Variants in DOCK3 observed in about 807,000 individuals in gnomAD.
DOCK3 encodes dedicator of cytokinesis 3.
A neutral mutation model predicts 265.6 loss-of-function variants in DOCK3; 60 were observed. The ratio of observed to expected loss-of-function variants is 0.23; its 90% CI spans 0.18 to 0.28. DOCK3 has a LOEUF of 0.28. Ranked by LOEUF, DOCK3 falls within the 10% of genes least tolerant of loss-of-function variation. DOCK3 has a pLI of 1.00. For missense variants in DOCK3, 1,981 were observed against 2,594.3 expected, an observed-to-expected ratio of 0.76 and a Z score of 5.14; for synonymous variants, 881 against 938.0, an observed-to-expected ratio of 0.94 and a Z score of 1.11.
chr3:51,317,131 C>T lies in DOCK3; in HGVS notation c.3402+2003C>T, dbSNP rs778251244. ...TCTATGATCTATTTTGAGTTGATTT[C>T]TGTATAAGGTATGAAGGATGGATCA... On this transcript the variant is annotated intron_variant, in intron 32 of 52. Transcript: ENST00000266037. Among the ~76,000 whole-genome samples the T allele has an allele frequency of 2.1e-3, 312 of 151,756 alleles. 7 individuals are homozygous for T. The highest frequency in any genetic ancestry group is 1.5e-3 in the Non-Finnish European group (102 of 67,924).
At chr3:50,692,586 G>A (rs1190574125) in intron 1 of DOCK3, among the ~76,000 whole-genome samples, 1 of 152,112 alleles carries the variant, frequency 6.6e-6, no homozygotes, top group Non-Finnish European at 1.5e-5. Flanking sequence ...TTAATTTGTG[G>A]CCCAGGGGTT....
chr3:51,140,064 A>C (rs984670113), intron 9 of DOCK3, among the ~76,000 whole-genome samples: 4 of 152,208 alleles, frequency 2.6e-5, no homozygotes, highest in African/African-American at 9.7e-5. Context: ...AAACCACGAA[A>C]AAGTTTGTTG....
intron 3 of DOCK3, among the ~76,000 whole-genome samples, chr3:50,843,137 C>T (rs1012724215): frequency 2.0e-5 from 3 of 152,156 alleles, no homozygotes; most frequent in Non-Finnish European, 2.9e-5. Flanking sequence ...TATCTTCCTA[C>T]ACAATGAAGT....
In DOCK3 at chr3:51,362,663, C is replaced by T. The variant is rs766779685; in HGVS notation, c.5282C>T (p.Ser1761Phe). 9 of 1,613,602 alleles carry T rather than the reference C, an allele frequency of 5.6e-6. No homozygotes were observed. The highest frequency in any genetic ancestry group is 7.6e-6 in the Non-Finnish European group (9 of 1,179,738). The change falls in exon 49 of 53, where the codon TCC becomes TTC. Residue 1761 changes from serine to phenylalanine, a missense_variant. This residue lies in a region of DOCK3 where 1,357 missense variants were observed against 1,866.8 expected (regional missense o/e 0.73). Transcript: ENST00000266037. Reference protein sequence around the residue: ...APSQMITSAPSSARGSPSLPD... With the variant: ...APSQMITSAPFSARGSPSLPD... ...TCCCAGATGATTACCTCTGCCCCTT[C>T]CAGTGCCCGAGGTAAGGATGGCAGG...
At chr3:50,708,069 A>G (rs891611560) in intron 1 of DOCK3, among the ~76,000 whole-genome samples, 17 of 152,122 alleles carry the variant, frequency 1.1e-4, no homozygotes, top group Non-Finnish European at 2.1e-4. Context: ...CTTGGATAGC[A>G]TGTGCAGATG....
chr3:50,993,376 A>G (rs911696176), intron 5 of DOCK3, among the ~76,000 whole-genome samples: 8 of 152,216 alleles, frequency 5.3e-5, no homozygotes, highest in African/African-American at 1.9e-4. Flanking sequence ...GATACTTTTC[A>G]GAAGCTGAAG....
chr3:51,108,292 G>A (rs2109806614), intron 9 of DOCK3, among the ~76,000 whole-genome samples: 1 of 152,220 alleles, frequency 6.6e-6, no homozygotes, highest in South Asian at 2.1e-4. Flanking sequence ...GCCAAACTAA[G>A]CTTCATAAGC....
chr3:51,032,710 C>G (rs557922680), intron 5 of DOCK3, among the ~76,000 whole-genome samples: 2 of 152,044 alleles, frequency 1.3e-5, no homozygotes, highest in East Asian at 3.9e-4. Flanking sequence ...GAGTTTAAGA[C>G]CAGCATAAGC....
chr3:51,295,687 T>G (rs986037572), intron 27 of DOCK3, among the ~76,000 whole-genome samples: 2 of 152,058 alleles, frequency 1.3e-5, no homozygotes, highest in Admixed American at 1.3e-4. Context: ...AAGATTAATT[T>G]CTTTCTCCTA....
intron 5 of DOCK3, among the ~76,000 whole-genome samples, chr3:51,045,986 T>C (rs2080762099): frequency 6.6e-6 from 1 of 152,156 alleles, no homozygotes; most frequent in Non-Finnish European, 1.5e-5. Context: ...TGCAGCACTG[T>C]AGTTTTAGTA....
At position 51,321,221 on chromosome 3, in the gene DOCK3, C is replaced by A. The variant is rs984824069; in HGVS notation, c.3402+6093C>A. Among the ~76,000 whole-genome samples, 8 of 152,318 alleles carry A rather than the reference C, an allele frequency of 5.3e-5. No individual in the cohort carries two copies. In the South Asian group the frequency reaches 1.7e-3, roughly 32 times the overall value. On this transcript the variant is annotated intron_variant, in intron 32 of 52. Coordinates refer to ENST00000266037, the MANE Select transcript of DOCK3 (RefSeq NM_004947.5). ...TGGATGTCAGCAAACTCCAGCAGAC[C>A]TGCAGCAGAGGGGCCTGACAGTTAG...
chr3:51,358,216 A>T, intron 46 of DOCK3, 139 bp downstream of exon 46: 1 of 742,112 alleles, frequency 1.3e-6, no homozygotes, highest in East Asian at 2.7e-5. Context: ...TGTCCTCCCT[A>T]CAGAGGGACA....
chr3:51,375,690 C>A (rs1324883821), intron 50 of DOCK3, 58 bp from the exon 51 acceptor site: 1 of 1,594,476 alleles, frequency 6.3e-7, no homozygotes, highest in Non-Finnish European at 8.6e-7. Flanking sequence ...CACAACACTG[C>A]CTCCCAAGAT....
intron 2 of DOCK3, among the ~76,000 whole-genome samples, chr3:50,839,661 G>C (rs1470952943): frequency 1.4e-5 from 2 of 138,758 alleles, no homozygotes; most frequent in Non-Finnish European, 3.1e-5. Flanking sequence ...TGTCTGTTTA[G>C]ATGTTTTGCA....
intron 31 of DOCK3, among the ~76,000 whole-genome samples, chr3:51,313,395 A>G (rs1032967835): frequency 6.6e-6 from 1 of 152,258 alleles, no homozygotes; most frequent in African/African-American, 2.4e-5. Flanking sequence ...GGAGTAACAT[A>G]TAAGAAGAGA....
At chr3:50,681,270 A>G (rs1331748353) in intron 1 of DOCK3, among the ~76,000 whole-genome samples, 3 of 152,218 alleles carry the variant, frequency 2.0e-5, no homozygotes, top group Non-Finnish European at 4.4e-5. Context: ...TCTCAAAAGA[A>G]TGGTCATTGA....
At chr3:51,362,355 G>A (rs1408072108) in intron 48 of DOCK3, among the ~76,000 whole-genome samples, 172 bp from the exon 49 acceptor site, 3 of 152,162 alleles carry the variant, frequency 2.0e-5, no homozygotes, top group Non-Finnish European at 2.9e-5. Context: ...CCATATGGGT[G>A]GTGTGGGTGG....
At chr3:50,765,344 A>G (rs1410147574) in intron 1 of DOCK3, among the ~76,000 whole-genome samples, 6 of 152,034 alleles carry the variant, frequency 3.9e-5, no homozygotes, top group African/African-American at 1.4e-4. Context: ...TCGGCCTCTC[A>G]AAGTGCTGGG....
At chr3:50,876,271 A>G (rs1466188914) in intron 3 of DOCK3, among the ~76,000 whole-genome samples, 1 of 152,126 alleles carries the variant, frequency 6.6e-6, no homozygotes, top group Non-Finnish European at 1.5e-5. Context: ...CCATTTGTAA[A>G]CCTGTGTTTC....
Sources: allele counts gnomAD v4.1 joint callset (sites outside exome capture counted in the v4.1 genomes callset), GRCh38; gene constraint gnomAD v4.1.1; regional missense constraint gnomAD v4.1.1; transcripts MANE v1.5; gene names NCBI Gene and HGNC (gene_info 2026-07-23, HGNC 2026-07-21).